ASH1L: variants seen among roughly 807,000 people sequenced by gnomAD.
ASH1L encodes the protein ASH1 like histone lysine methyltransferase.
A neutral mutation model predicts 269.0 loss-of-function variants in ASH1L; 23 were observed. The observed-to-expected ratio is 0.09, with a 90% CI of 0.06 to 0.12. ASH1L has a LOEUF of 0.12. Ranked by LOEUF, ASH1L falls within the 10% of genes least tolerant of loss-of-function variation. The probability of loss-of-function intolerance (pLI) is 1.00; values close to 1 mark genes in which losing one functional copy is unlikely to be tolerated. For missense variants in ASH1L, 2,912 were observed against 3,567.8 expected (o/e 0.82, Z 4.68); for synonymous variants, 1,187 against 1,253.5 (o/e 0.95, Z 1.12).
At chr1:155,530,517 G>GA (rs1352060925) in intron 1 of ASH1L, among the ~76,000 whole-genome samples, 2 of 151,858 alleles carry the variant, frequency 1.3e-5, no homozygotes, top group Admixed American at 1.3e-4. Context: ...CTTGAGGTCA[G>GA]GAGTTTGAGA....
chr1:155,417,425 T>G (rs917993651), intron 5 of ASH1L, among the ~76,000 whole-genome samples: 2 of 152,196 alleles, frequency 1.3e-5, no homozygotes, highest in African/African-American at 4.8e-5. Context: ...TATGGGTGTC[T>G]CTTTTAGTAT....
intron 5 of ASH1L, among the ~76,000 whole-genome samples, chr1:155,431,040 T>C (rs1471460692): frequency 6.6e-6 from 1 of 151,838 alleles, no homozygotes; most frequent in Non-Finnish European, 1.5e-5. Context: ...GGTGAAACCC[T>C]GTCTCTACTA....
rs1186891494 is a variant in ASH1L at position 155,348,911 on chromosome 1, T to TATACACAC, written c.7554+415_7554+416insGTGTGTAT. Among the ~76,000 whole-genome samples, 183 of 140,420 alleles carry TATACACAC rather than the reference T, an allele frequency of 1.3e-3. 1 individual carries two copies. Among genetic ancestry groups the TATACACAC allele is most frequent in the South Asian group, 4.3e-3 (19 of 4,454 alleles). 92.1% of individuals were successfully genotyped at this position (140,420 alleles called of 152,430 possible). On this transcript the variant is annotated intron_variant, in intron 19 of 27. Transcript: ENST00000392403. ...AAAAAAAAAAAAAAATATATATATATACACACACACACACACACACACACA... is the reference window on the plus strand; with the variant it reads ...AAAAAAAAAAAAAAATATATATATATATACACACACACACACACACACACACACACACA...
At chr1:155,354,164 T>C (rs559905086) in intron 16 of ASH1L, among the ~76,000 whole-genome samples, 1 of 152,228 alleles carries the variant, frequency 6.6e-6, no homozygotes, top group African/African-American at 2.4e-5. Context: ...TGTGGTGGCT[T>C]ACGCCTGTAA....
intron 2 of ASH1L, among the ~76,000 whole-genome samples, chr1:155,516,145 T>C (rs1037310402): frequency 2.6e-5 from 4 of 152,116 alleles, no homozygotes; most frequent in Non-Finnish European, 4.4e-5. Context: ...ACTAAAGAGG[T>C]TGCTTGACCA....
At chr1:155,389,733 A>C (rs1488279200) in intron 7 of ASH1L, among the ~76,000 whole-genome samples, 1 of 152,154 alleles carries the variant, frequency 6.6e-6, no homozygotes, top group African/African-American at 2.4e-5. Flanking sequence ...TTTTCAATAG[A>C]TATGTTTTCA....
intron 15 of ASH1L, 134 bp from the exon 16 acceptor site, chr1:155,354,764 C>T (rs1241334805): frequency 2.6e-6 from 2 of 758,816 alleles, no homozygotes; most frequent in Non-Finnish European, 4.0e-6. Flanking sequence ...ATGGGCAAAG[C>T]ATTACTCAAT....
intron 21 of ASH1L, chr1:155,346,113 C>A: frequency 7.6e-7 from 1 of 1,310,990 alleles, no homozygotes. Context: ...GGATTACAGG[C>A]ATGAGCGACC....
chr1:155,531,149 C>A (rs1181793423), intron 1 of ASH1L, among the ~76,000 whole-genome samples: 1 of 151,524 alleles, frequency 6.6e-6, no homozygotes, highest in Admixed American at 6.6e-5. Flanking sequence ...TAAAGAGAGA[C>A]CCCCATCTCA....
Position 155,349,360 on chromosome 1 carries a change from A to G in ASH1L, c.7521T>C (p.Asp2507=). ...TGYYKTVEAF[D]ADMLKVFRNA... is the part of the protein sequence containing the mutation. Reference sequence around the variant, plus strand: ...TCCGAAAGACTTTGAGCATGTCAGCATCAAAAGCTTCCACTGTCTTATAGT... The same window carrying G: ...TCCGAAAGACTTTGAGCATGTCAGCGTCAAAAGCTTCCACTGTCTTATAGT... Residue 2507 remains aspartate (D), a synonymous_variant, in exon 19 of 28, where the codon GAT becomes GAC. Coordinates refer to ENST00000392403, the MANE Select transcript of ASH1L (RefSeq NM_018489.3). 1 of 1,614,034 alleles carries G rather than the reference A, an allele frequency of 6.2e-7. No individual in the cohort carries two copies. The highest frequency in any genetic ancestry group is 8.5e-7 in the Non-Finnish European group (1 of 1,179,916).
rs1654826371 is a variant in ASH1L, at chr1:155,360,247, T to C, written c.6795+54A>G. 4 of 1,188,200 alleles carry C rather than the reference T, an allele frequency of 3.4e-6. No homozygotes were observed. The East Asian group carries it at 9.4e-5, about 28-fold the overall frequency. The allele number at this position is 1,188,200 out of a possible 1,614,324, so 73.6% of individuals were successfully genotyped here. On this transcript the variant is annotated intron_variant, in intron 13 of 27. Transcript: ENST00000392403. ...CATGTTTACAGAAAGCTCATGTTAT[T>C]ACAGCATTGTAAGGGATAAAGTTCA... is the stretch of plus-strand genomic sequence containing the variant.
chr1:155,486,367 C>T (rs576327882), intron 2 of ASH1L, among the ~76,000 whole-genome samples: 19 of 152,008 alleles, frequency 1.2e-4, no homozygotes, highest in South Asian at 4.1e-4. Context: ...ACCCCACACA[C>T]TTTCTTCACA....
At chr1:155,345,128 T>C (rs1346173801) in intron 21 of ASH1L, among the ~76,000 whole-genome samples, 1 of 151,434 alleles carries the variant, frequency 6.6e-6, no homozygotes, top group Non-Finnish European at 1.5e-5. Context: ...AGCTAATTTT[T>C]GTATTTTTAG....
chr1:155,413,431 G>A (rs1196856819), intron 6 of ASH1L, among the ~76,000 whole-genome samples: 1 of 152,096 alleles, frequency 6.6e-6, no homozygotes, highest in Admixed American at 6.6e-5. Flanking sequence ...CATGGTGAAA[G>A]CCCATCTCTA....
At chr1:155,368,785 A>T (rs116785866) in intron 12 of ASH1L, among the ~76,000 whole-genome samples, 187 of 152,336 alleles carry the variant, frequency 1.2e-3, no homozygotes, top group Non-Finnish European at 2.2e-3. Context: ...TGTTCATTTC[A>T]TCTAACTTTT....
chr1:155,468,956 A>C (rs1664891774), intron 3 of ASH1L, among the ~76,000 whole-genome samples: 1 of 152,200 alleles, frequency 6.6e-6, no homozygotes, highest in East Asian at 1.9e-4. Flanking sequence ...AACCAGTCAG[A>C]AGTGCTACAA....
chr1:155,553,210 T>C (rs1044835554), intron 1 of ASH1L, among the ~76,000 whole-genome samples: 3 of 152,154 alleles, frequency 2.0e-5, no homozygotes, highest in Non-Finnish European at 2.9e-5. Context: ...GACAACTAAT[T>C]ATACATTTTT....
intron 1 of ASH1L, among the ~76,000 whole-genome samples, chr1:155,547,102 G>T (rs1670882469): frequency 6.6e-6 from 1 of 151,206 alleles, no homozygotes; most frequent in Non-Finnish European, 1.5e-5. Flanking sequence ...ACAGGCATGT[G>T]CTACCATGCC....
Position 155,346,385 on chromosome 1 carries a change from T to G in ASH1L, c.7888A>C (p.Arg2630=). The change falls in exon 21 of 28, where the codon AGG becomes CGG. Residue 2630 remains arginine (R), a splice_region_variant and synonymous_variant. Transcript: ENST00000392403. ...GTTTTATCAGAGGTTCAGCTTACCC[T>G]GTCCACAGGCCTTGGGTCACACTGC... is the stretch of plus-strand genomic sequence containing the variant. ...CEQCDPRPVD[R]EVPMIPRPHY... is the part of the protein sequence containing the mutation. 6.2e-7 allele frequency: 1 copy of G among 1,613,920 alleles called. No homozygotes were observed. The highest frequency in any genetic ancestry group is 8.5e-7 in the Non-Finnish European group (1 of 1,179,838).
Sources: allele counts gnomAD v4.1 joint callset (sites outside exome capture counted in the v4.1 genomes callset), GRCh38; gene constraint gnomAD v4.1.1; transcripts MANE v1.5; gene names NCBI Gene and HGNC (gene_info 2026-07-23, HGNC 2026-07-21).